Variants in AGTPBP1 observed in about 807,000 individuals in gnomAD.
AGTPBP1 encodes the protein ATP/GTP binding carboxypeptidase 1, also known as cytosolic carboxypeptidase 1.
Under a neutral mutation model 143.9 loss-of-function variants are expected in AGTPBP1, and 70 were observed. The ratio of observed to expected loss-of-function variants is 0.49; its 90% CI spans 0.40 to 0.59. The LOEUF is 0.59. Ranked by LOEUF, AGTPBP1 falls within the 20% of genes least tolerant of loss-of-function variation. AGTPBP1 has a pLI of 0.00. For missense variants in AGTPBP1, 1,229 were observed against 1,464.5 expected, an observed-to-expected ratio of 0.84 and a Z score of 2.62; for synonymous variants, 463 against 500.2, an observed-to-expected ratio of 0.93 and a Z score of 0.99.
chr9:85,603,252 T>A (rs1434282849), intron 17 of AGTPBP1, among the ~76,000 whole-genome samples: 1 of 152,022 alleles, frequency 6.6e-6, no homozygotes, highest in Non-Finnish European at 1.5e-5. Context: ...AGGAGAGACT[T>A]CTTCTTTCAG....
intron 2 of AGTPBP1, among the ~76,000 whole-genome samples, chr9:85,696,416 C>T (rs1039047064): frequency 6.6e-6 from 1 of 152,020 alleles, no homozygotes; most frequent in African/African-American, 2.4e-5. Flanking sequence ...GCCTGTAATT[C>T]CAGCACTTTG....
At position 85,733,506 on chromosome 9, in the gene AGTPBP1, C is replaced by T. The variant is rs1345665259; in HGVS notation, c.-34+8269G>A. On this transcript the variant is annotated intron_variant, in intron 1 of 25. Transcript: ENST00000357081. ...AGGAGAAAATCTATAGACATAAACA[C>T]ATTAAAAAGGAAGACAGATCTCAAA... Among the ~76,000 whole-genome samples the T allele has an allele frequency of 4.6e-5, 7 of 151,958 alleles. No homozygotes were observed. The East Asian group carries it at 1.4e-3, about 29-fold the overall frequency.
In AGTPBP1 at chr9:85,691,559, G is replaced by A. The variant is rs575329827; in HGVS notation, c.157+1130C>T. ...AGGGTGTGTGTGTGTGTGTGTGTGT[G>A]TGTGTGTTTTAAATCATGCACAGTT... On this transcript the variant is annotated intron_variant, in intron 3 of 25. Transcript: ENST00000357081. Among the ~76,000 whole-genome samples the A allele has an allele frequency of 2.5e-4, 38 of 149,948 alleles. No homozygotes were observed. The South Asian group carries it at 6.5e-3, about 26-fold the overall frequency.
the AGTPBP1 span, among the ~76,000 whole-genome samples, chr9:85,803,043 G>A: frequency 1.3e-4 from 20 of 152,206 alleles, no homozygotes; most frequent in Middle Eastern, 3.2e-3. Flanking sequence ...AAATGATCTT[G>A]TTCCTCACTT....
the AGTPBP1 span, among the ~76,000 whole-genome samples, chr9:85,766,503 T>C: frequency 1.3e-5 from 2 of 152,194 alleles, no homozygotes; most frequent in Admixed American, 6.5e-5. Flanking sequence ...CATTTAGGTT[T>C]CTATTTCATG....
chr9:85,652,080 G>T (rs1461439904), intron 11 of AGTPBP1, among the ~76,000 whole-genome samples: 1 of 152,214 alleles, frequency 6.6e-6, no homozygotes, highest in Non-Finnish European at 1.5e-5. Flanking sequence ...TGATCAGACA[G>T]TTGGAACTTC....
intron 10 of AGTPBP1, among the ~76,000 whole-genome samples, chr9:85,656,102 C>T (rs896423339): frequency 6.6e-6 from 1 of 152,202 alleles, no homozygotes; most frequent in Non-Finnish European, 1.5e-5. Context: ...GCTGGGATTA[C>T]AGGCATGAGC....
At chr9:85,710,165 G>T (rs1216242447) in intron 2 of AGTPBP1, among the ~76,000 whole-genome samples, 1 of 151,912 alleles carries the variant, frequency 6.6e-6, no homozygotes, top group Non-Finnish European at 1.5e-5. Context: ...AGAGAATAGG[G>T]CTCTTTTTTT....
chr9:85,573,816 A>G (rs1241808807), intron 25 of AGTPBP1, among the ~76,000 whole-genome samples: 2 of 149,674 alleles, frequency 1.3e-5, no homozygotes, highest in Non-Finnish European at 3.0e-5. Context: ...GGAGGTGAGG[A>G]GCGTCTCTGC....
At chr9:85,709,399 C>A (rs1587950394) in intron 2 of AGTPBP1, among the ~76,000 whole-genome samples, 1 of 152,210 alleles carries the variant, frequency 6.6e-6, no homozygotes, top group East Asian at 1.9e-4. Flanking sequence ...TCTCCTACAA[C>A]CAGAAAACAA....
intron 1 of AGTPBP1, among the ~76,000 whole-genome samples, chr9:85,718,339 T>C (rs748029795): frequency 6.6e-6 from 1 of 152,220 alleles, no homozygotes; most frequent in Non-Finnish European, 1.5e-5. Context: ...TGTTGTTTCC[T>C]GACTTTTTAA....
At chr9:85,600,787 C>A (rs778340788) in intron 17 of AGTPBP1, among the ~76,000 whole-genome samples, 18 of 152,066 alleles carry the variant, frequency 1.2e-4, no homozygotes, top group Non-Finnish European at 2.5e-4. Flanking sequence ...TTTTGAGAAC[C>A]CAGCCCCCAC....
In AGTPBP1 at chr9:85,673,834, C is replaced by T. The variant is rs563784509; in HGVS notation, c.437-1153G>A. ...AAATAAAAATGAATTTTAAAAAAGACTTAAGGCAGGGCGCGGTGGCTCACG... is the reference window on the plus strand; with the variant it reads ...AAATAAAAATGAATTTTAAAAAAGATTTAAGGCAGGGCGCGGTGGCTCACG... On this transcript the variant is annotated intron_variant, in intron 6 of 25. Transcript: ENST00000357081. Among the ~76,000 whole-genome samples the T allele has an allele frequency of 3.3e-5, 5 of 152,134 alleles. No individual in the cohort carries two copies. The East Asian group carries it at 5.8e-4, about 18-fold the overall frequency.
At chr9:85,554,766 C>CA (rs1174466407) in intron 25 of AGTPBP1, among the ~76,000 whole-genome samples, 4 of 152,090 alleles carry the variant, frequency 2.6e-5, no homozygotes, top group African/African-American at 7.2e-5. Flanking sequence ...GAAACAGACC[C>CA]AAAGGTAGTT....
At chr9:85,632,516 G>A in intron 14 of AGTPBP1, 146 bp downstream of exon 14, 2 of 708,786 alleles carry the variant, frequency 2.8e-6, no homozygotes, top group Non-Finnish European at 4.4e-6. Flanking sequence ...TCAAAACAAG[G>A]CAAAATTTCC....
intron 2 of AGTPBP1, among the ~76,000 whole-genome samples, chr9:85,698,661 T>G (rs1429465118): frequency 6.7e-6 from 1 of 148,646 alleles, no homozygotes; most frequent in Non-Finnish European, 1.5e-5. Context: ...GGAGGAAATG[T>G]ATCTTCCCCA....
intron 1 of AGTPBP1, among the ~76,000 whole-genome samples, chr9:85,734,623 G>A (rs1350020058): frequency 1.3e-5 from 2 of 152,218 alleles, no homozygotes; most frequent in Non-Finnish European, 2.9e-5. Context: ...AAGTGTTGAT[G>A]TGCATAGATT....
chr9:85,783,806 TG>T, the AGTPBP1 span, among the ~76,000 whole-genome samples: 1 of 152,310 alleles, frequency 6.6e-6, no homozygotes, highest in Non-Finnish European at 1.5e-5. Flanking sequence ...GCTAATTTTT[TG>T]TATTTTTAGT....
the AGTPBP1 span, among the ~76,000 whole-genome samples, chr9:85,748,997 CTTTTT>C: frequency 1.0e-5 from 1 of 95,466 alleles, no homozygotes; most frequent in Admixed American, 1.2e-4. Flanking sequence ...ATCTAGTGCA[CTTTTT>C]TTTTTTTTTT....
Sources: allele counts gnomAD v4.1 joint callset (sites outside exome capture counted in the v4.1 genomes callset), GRCh38; gene constraint gnomAD v4.1.1; transcripts MANE v1.5; gene names NCBI Gene and HGNC (gene_info 2026-07-23, HGNC 2026-07-21).